Variants in MUC5B observed in about 807,000 individuals in gnomAD.
MUC5B encodes mucin-5B.
Under a neutral mutation model 376.9 loss-of-function variants are expected in MUC5B, and 116 were observed. The ratio of observed to expected loss-of-function variants is 0.31; its 90% CI spans 0.26 to 0.36. The LOEUF (loss-of-function observed/expected upper bound fraction) is 0.36, where lower values mean the gene tolerates loss of function less well. Among genes scored for constraint, MUC5B ranks in the 10% least tolerant of loss-of-function variants. The pLI is 1.00. For missense variants in MUC5B, 7,165 were observed against 7,769.9 expected (o/e 0.92, Z 2.93); for synonymous variants, 3,517 against 3,390.9 (o/e 1.04, Z -1.29).
rs1281794298 is a variant in MUC5B, at chr11:1,234,919, G to A, written c.2631-166G>A. Among the ~76,000 whole-genome samples the A allele has an allele frequency of 6.6e-6, 1 of 152,152 alleles. No individual in the cohort carries two copies. Among genetic ancestry groups the A allele is most frequent in the Non-Finnish European group, 1.5e-5 (1 of 68,006 alleles). On this transcript the variant is annotated intron_variant, in intron 21 of 48. Transcript: ENST00000529681. This position sits in a 1 kb window ranked among gnomAD's most constrained non-coding sequence, Gnocchi z 6.3. ...TACCAGGAGCCTGGTGGGGCTGCGT[G>A]CCCTGCATTCACAGTGGGGGACACC...
In MUC5B at chr11:1,227,382, C is replaced by A. The variant is rs367602477; in HGVS notation, c.651C>A (p.Asn217Lys). 1.9e-6 allele frequency: 3 copies of A among 1,611,346 alleles called. No homozygotes were observed. The highest frequency in any genetic ancestry group is 1.7e-4 in the Middle Eastern group (1 of 6,054). The change falls in exon 6 of 49, where the codon AAC (asparagine) becomes AAA (lysine). Residue 217 changes from asparagine (N) to lysine (K), a missense_variant. Transcript: ENST00000529681. ...ACTTCAACGGCCTCCCGGCCTTCAA[C>A]GAGTTCTATGCCCACAGTGAGTGCC... is the stretch of plus-strand genomic sequence containing the variant. ...CGDFNGLPAF[N>K]EFYAHNARLT...
chr11:1,240,251 C>T lies in MUC5B; in HGVS notation c.3846C>T (p.Gly1282=), dbSNP rs141821939. 1,363 of 1,613,596 alleles carry T rather than the reference C, an allele frequency of 8.4e-4. 1 individual carries two copies. Among genetic ancestry groups the T allele is most frequent in the Admixed American group, 1.9e-3 (114 of 59,996 alleles). ...DVIYNTTDGL[G]ACLIAICGSN... is the part of the protein sequence containing the mutation. Reference sequence around the variant, plus strand: ...TCTACAACACCACCGATGGGCTTGGCGCCTGCTTGATCGCCATCTGCGGAA... The same window carrying T: ...TCTACAACACCACCGATGGGCTTGGTGCCTGCTTGATCGCCATCTGCGGAA... The change falls in exon 30 of 49, where the codon GGC becomes GGT. Residue 1282 remains glycine, a synonymous_variant. Coordinates refer to ENST00000529681, the MANE Select transcript of MUC5B (RefSeq NM_002458.3).
chr11:1,230,436 G>T (rs552832565), intron 11 of MUC5B, 54 bp from the exon 12 acceptor site: 1 of 1,478,234 alleles, frequency 6.8e-7, no homozygotes, highest in Admixed American at 2.0e-5. Context: ...ACTTCTGGGG[G>T]GCACCCCACA....
Position 1,249,755 on chromosome 11 carries a change from C to T in MUC5B, c.12875C>T (p.Thr4292Ile), listed in dbSNP as rs1431895922. Residue 4292 changes from threonine (T) to isoleucine (I), a missense_variant, in exon 31 of 49, where the codon ACC becomes ATC. Thr to Ile is a moderately conservative substitution (Grantham distance 89). This residue lies in a region of MUC5B where 431 missense variants were observed against 390.4 expected (regional missense o/e 1.10). Coordinates refer to ENST00000529681, the MANE Select transcript of MUC5B (RefSeq NM_002458.3). The stretch of plus-strand genomic sequence containing the variant: ...AGCCCGGCCACCACACCCACAGCCA[C>T]CAGTTCCAAAGCCACTTCCTCCTCC... ...LTSPATTPTATSSKATSSSSP... is the reference protein window; with the variant it reads ...LTSPATTPTAISSKATSSSSP... 3 of 1,612,802 alleles carry T rather than the reference C, an allele frequency of 1.9e-6. No individual in the cohort carries two copies. The highest frequency in any genetic ancestry group is 1.1e-5 in the South Asian group (1 of 91,064).
chr11:1,229,387 C>A (rs1861970130), intron 9 of MUC5B, 92 bp downstream of exon 9: 4 of 1,387,140 alleles, frequency 2.9e-6, no homozygotes, highest in Non-Finnish European at 3.8e-6. Flanking sequence ...AAGCAGAGCC[C>A]CTCATGCCAG....
At position 1,246,195 on chromosome 11, in the gene MUC5B, C is replaced by A. The variant is rs375109401; in HGVS notation, c.9315C>A (p.Thr3105=). Reference sequence around the variant, plus strand: ...CCTCCACTCCGGAGACCACCCACACCTCCACAGTGCTGACCACGAAGGCCA... The same window carrying A: ...CCTCCACTCCGGAGACCACCCACACATCCACAGTGCTGACCACGAAGGCCA... ...HPSSTPETTH[T]STVLTTKATT... is the part of the protein sequence containing the mutation. The change falls in exon 31 of 49, where the codon ACC becomes ACA. Residue 3105 remains threonine, a synonymous_variant. Transcript: ENST00000529681. 3 of 1,613,154 alleles carry A rather than the reference C, an allele frequency of 1.9e-6. No homozygotes were observed. The highest frequency in any genetic ancestry group is 3.3e-5 in the Admixed American group (2 of 59,976).
At position 1,238,894 on chromosome 11, in the gene MUC5B, G is replaced by C. The variant is rs1449157874; in HGVS notation, c.3321G>C (p.Glu1107Asp). 3.2e-6 allele frequency: 5 copies of C among 1,563,288 alleles called. No individual in the cohort carries two copies. The highest frequency in any genetic ancestry group is 4.3e-6 in the Non-Finnish European group (5 of 1,153,864). ...RSQVDSTKYY[E>D]ACVNDACACD... ...AGGTTGACTCCACCAAGTACTACGA[G>C]GCCTGCGTGAACGACGCGTGTGCCT... Residue 1107 changes from glutamate (E) to aspartate (D), a missense_variant, in exon 26 of 49, where the codon GAG (glutamate) becomes GAC (aspartate). Coordinates refer to ENST00000529681, the MANE Select transcript of MUC5B (RefSeq NM_002458.3).
rs201948297 is a variant in MUC5B, at chr11:1,248,327, C to T, written c.11447C>T (p.Thr3816Met). The T allele has an allele frequency of 2.7e-3, 4,274 of 1,610,856 alleles. 40 individuals carry two copies. Among genetic ancestry groups the T allele is most frequent in the Middle Eastern group, 6.5e-3 (39 of 6,012 alleles). ...WTRLSQTTTP[T>M]ATMSTATPSS... is the part of the protein sequence containing the mutation. Reference sequence around the variant, plus strand: ...CGCCTATCACAGACCACCACACCCACGGCCACCATGTCCACAGCCACACCC... The same window carrying T: ...CGCCTATCACAGACCACCACACCCATGGCCACCATGTCCACAGCCACACCC... The change falls in exon 31 of 49, where the codon ACG becomes ATG. Residue 3816 changes from threonine to methionine, a missense_variant. Physicochemically the swap from Thr to Met is moderately conservative, Grantham distance 81. Transcript: ENST00000529681.
At position 1,250,017 on chromosome 11, in the gene MUC5B, G is replaced by A. The variant is rs368056070; in HGVS notation, c.13137G>A (p.Thr4379=). ...CCACGACAAGGGCCACCAGTTCCAC[G>A]TCCACCCCCTCCTCCACTCCGGGGA... The part of the protein sequence containing the change: ...KATTTRATSS[T]STPSSTPGTT... The change falls in exon 31 of 49, where the codon ACG becomes ACA. Residue 4379 remains threonine, a synonymous_variant. Coordinates refer to ENST00000529681, the MANE Select transcript of MUC5B (RefSeq NM_002458.3). 1.6e-3 allele frequency: 2,521 copies of A among 1,611,332 alleles called. 10 individuals are homozygous for A. Among genetic ancestry groups the A allele is most frequent in the African/African-American group, 0.011 (809 of 74,486 alleles).
chr11:1,229,929 G>A (rs972831802), intron 10 of MUC5B, 76 bp from the exon 11 acceptor site: 72 of 1,550,926 alleles, frequency 4.6e-5, no homozygotes, highest in South Asian at 1.8e-4. Context: ...ACCAGCCTCC[G>A]CCTGCGGTGG....
intron 29 of MUC5B, 40 bp from the exon 30 acceptor site, chr11:1,240,138 G>T (rs762218007): frequency 5.1e-6 from 8 of 1,571,268 alleles, no homozygotes; most frequent in Non-Finnish European, 6.9e-6. Flanking sequence ...GGGGCCAGGG[G>T]CTCGGAGGCC....
chr11:1,251,830 C>T, intron 31 of MUC5B, 87 bp downstream of exon 31: 1 of 974,288 alleles, frequency 1.0e-6, no homozygotes, highest in East Asian at 2.5e-5. Flanking sequence ...CAGTGGCTTT[C>T]TCCCTGCTGG....
rs755271488 is a variant in MUC5B at position 1,241,892 on chromosome 11, C to A, written c.5012C>A (p.Thr1671Lys). ...ACAAGCACCCTTGGTACAGCCACCA[C>A]GGGAGGCCCCACGACGCCTGCAGGC... is the stretch of plus-strand genomic sequence containing the variant. The part of the protein sequence containing the change: ...RYTSTLGTAT[T>K]GGPTTPAGST... The change falls in exon 31 of 49, where the codon ACG becomes AAG. Residue 1671 changes from threonine (T) to lysine (K), a missense_variant. This residue lies in a region of MUC5B where 897 missense variants were observed against 779.6 expected (regional missense o/e 1.15). Coordinates refer to ENST00000529681, the MANE Select transcript of MUC5B (RefSeq NM_002458.3). The A allele has an allele frequency of 6.2e-7, 1 of 1,612,070 alleles. No individual in the cohort carries two copies. The highest frequency in any genetic ancestry group is 1.7e-5 in the Admixed American group (1 of 59,700).
chr11:1,253,149 G>C lies in MUC5B; in HGVS notation c.15217+169G>C. ...AGTGGGGCATGGTGGGGCATGGTGGGGTGTGGTGGTGGTGTTTGGGAGATC... is the reference window on the plus strand; with the variant it reads ...AGTGGGGCATGGTGGGGCATGGTGGCGTGTGGTGGTGGTGTTTGGGAGATC... On this transcript the variant is annotated intron_variant, in intron 33 of 48. Coordinates refer to ENST00000529681, the MANE Select transcript of MUC5B (RefSeq NM_002458.3). This position sits in a 1 kb window ranked among gnomAD's most constrained non-coding sequence, Gnocchi z 4.3. 1.3e-6 allele frequency: 1 copy of C among 770,660 alleles called. No homozygotes were observed. Among genetic ancestry groups the C allele is most frequent in the Middle Eastern group, 3.7e-4 (1 of 2,722 alleles). 47.7% of individuals were successfully genotyped at this position (770,660 alleles called of 1,614,324 possible).
Position 1,228,776 on chromosome 11 carries a change from C to T in MUC5B, c.976+11C>T. On this transcript the variant is annotated intron_variant, in intron 8 of 48. Transcript: ENST00000529681. Reference sequence around the variant, plus strand: ...GCCCTGAGCTCTGCCGTGAGTGCTCCCAGGGCCTTCGCCAGGGATTGTGCC... The same window carrying T: ...GCCCTGAGCTCTGCCGTGAGTGCTCTCAGGGCCTTCGCCAGGGATTGTGCC... 6.7e-7 allele frequency: 1 copy of T among 1,487,978 alleles called. No homozygotes were observed. Among genetic ancestry groups the T allele is most frequent in the Non-Finnish European group, 9.0e-7 (1 of 1,116,476 alleles). 92.2% of individuals were successfully genotyped at this position (1,487,978 alleles called of 1,614,324 possible).
At position 1,235,108 on chromosome 11, in the gene MUC5B, A is replaced by G; in HGVS notation, c.2654A>G (p.Glu885Gly). 2 of 1,611,894 alleles carry G rather than the reference A, an allele frequency of 1.2e-6. No individual in the cohort carries two copies. Among genetic ancestry groups the G allele is most frequent in the Non-Finnish European group, 1.7e-6 (2 of 1,179,282 alleles). Residue 885 changes from glutamate to glycine, a missense_variant, in exon 22 of 49, where the codon GAG becomes GGG. Physicochemically the swap from Glu to Gly is moderately conservative, Grantham distance 98. This residue lies in a region of MUC5B where 530 missense variants were observed against 604.0 expected (regional missense o/e 0.88). Coordinates refer to ENST00000529681, the MANE Select transcript of MUC5B (RefSeq NM_002458.3). ...NTCTCRNRRW[E>G]CSHRLCLGTC... is the part of the protein sequence containing the mutation. ...AGCACCTGCAGGAACCGGAGGTGGG[A>G]GTGCAGCCACCGGCTCTGCCTGGGC...
intron 31 of MUC5B, among the ~76,000 whole-genome samples, chr11:1,252,117 C>T (rs1862717744): frequency 6.6e-6 from 1 of 152,100 alleles, no homozygotes; most frequent in Admixed American, 6.5e-5. Context: ...TCGGTCCCCA[C>T]TGGCCACAAT....
At chr11:1,254,980 G>A (rs1862797605) in intron 35 of MUC5B, 61 bp from the exon 36 acceptor site, 2 of 789,320 alleles carry the variant, frequency 2.5e-6, no homozygotes, top group East Asian at 6.3e-5. Flanking sequence ...GTGGGGGAGG[G>A]GGGTGGGGGC....
rs982429715 is a variant in MUC5B at position 1,261,380 on chromosome 11, C to A, written c.17070-9C>A. On this transcript the variant is annotated splice_polypyrimidine_tract_variant and intron_variant, in intron 48 of 48. Coordinates refer to ENST00000529681, the MANE Select transcript of MUC5B (RefSeq NM_002458.3). ...GGTGGCTGATGTGAGGGCCACCCTG[C>A]GTCCACAGGTACTCAGCAGAGGCCC... 1.3e-6 allele frequency: 2 copies of A among 1,540,154 alleles called. No homozygotes were observed. Among genetic ancestry groups the A allele is most frequent in the African/African-American group, 1.4e-5 (1 of 72,976 alleles).
Sources: gnomAD v4.1 joint callset for allele counts (sites outside exome capture counted in the v4.1 genomes callset) on GRCh38, gnomAD v4.1.1 for gene constraint, gnomAD v4.1.1 regional missense constraint, Gnocchi (gnomAD v3.1) non-coding constraint, MANE v1.5 for transcripts, NCBI Gene and HGNC (gene_info 2026-07-23, HGNC 2026-07-21) for gene names.